Variants in COL25A1 observed in about 807,000 individuals in gnomAD.
COL25A1 encodes collagen alpha-1(XXV) chain.
A neutral mutation model predicts 128.4 loss-of-function variants in COL25A1; 103 were observed. The ratio of observed to expected loss-of-function variants is 0.80; its 90% CI spans 0.68 to 0.94. The LOEUF is 0.94. COL25A1 is among the 40% of genes least tolerant of loss of function. The pLI, the probability that COL25A1 is intolerant of heterozygous loss-of-function variation, is 0.00. For missense variants in COL25A1, 745 were observed against 840.0 expected, an observed-to-expected ratio of 0.89 and a Z score of 1.40; for synonymous variants, 279 against 277.2, an observed-to-expected ratio of 1.01 and a Z score of -0.06.
At chr4:109,281,840 A>G (rs1723412484) in intron 3 of COL25A1, among the ~76,000 whole-genome samples, 1 of 152,212 alleles carries the variant, frequency 6.6e-6, no homozygotes, top group Non-Finnish European at 1.5e-5. Context: ...AAAGATAACT[A>G]TAAGAGGGTG....
chr4:108,888,274 A>G (rs1741059302), intron 18 of COL25A1, among the ~76,000 whole-genome samples: 1 of 152,168 alleles, frequency 6.6e-6, no homozygotes, highest in South Asian at 2.1e-4. Flanking sequence ...TTATTTTACT[A>G]CATCTTCAGG....
At chr4:109,296,295 CTT>C (rs955216932) in intron 3 of COL25A1, among the ~76,000 whole-genome samples, 1 of 151,958 alleles carries the variant, frequency 6.6e-6, no homozygotes, top group African/African-American at 2.4e-5. Context: ...AAGAATTATA[CTT>C]TTTTCTTTAT....
rs117714046 is a variant in COL25A1, at chr4:109,278,934, G to A, written c.367+21649C>T. On this transcript the variant is annotated intron_variant, in intron 3 of 37. Transcript: ENST00000399132. ...GTGAGGGCCTGCTTCCTCTTGAATG[G>A]CACCTTGTAGCTGTGTTCACACATG... 8.3e-3 allele frequency among the ~76,000 whole-genome samples: 1,260 copies of A among 152,240 alleles called. 65 individuals are homozygous for A. The South Asian group carries it at 0.14, about 17-fold the overall frequency.
intron 6 of COL25A1, among the ~76,000 whole-genome samples, chr4:109,007,141 AC>A (rs1756097267): frequency 1.3e-5 from 2 of 152,222 alleles, no homozygotes; most frequent in African/African-American, 4.8e-5. Flanking sequence ...TTTAAGGTCC[AC>A]TTTTTTTGTA....
chr4:109,079,917 T>C (rs1763697063), intron 3 of COL25A1, among the ~76,000 whole-genome samples: 1 of 152,028 alleles, frequency 6.6e-6, no homozygotes. Flanking sequence ...AAACTCAGAT[T>C]ACAAAAGTAA....
chr4:108,839,716 T>C (rs999339304), intron 31 of COL25A1, among the ~76,000 whole-genome samples: 2 of 152,114 alleles, frequency 1.3e-5, no homozygotes, highest in African/African-American at 4.8e-5. Flanking sequence ...TCAGGGAACT[T>C]GCATAGATAT....
Position 108,809,298 on chromosome 4 carries a change from A to C in COL25A1, c.*4629T>G, listed in dbSNP as rs1221198750. On this transcript the variant is annotated 3_prime_UTR_variant, in exon 38 of 38. Transcript: ENST00000399132. ...TGTAAAAAATACAAATAAAAATATA[A>C]TATTTTCTAAAGAAAAATCAGATAC... 6.6e-6 allele frequency: 1 copy of C among 152,176 alleles called. No homozygotes were observed. The highest frequency in any genetic ancestry group is 1.5e-5 in the Non-Finnish European group (1 of 67,992). 9.4% of individuals were successfully genotyped at this position (152,176 alleles called of 1,614,324 possible). A position where few individuals can be genotyped will look rare whatever the true frequency, so the allele number is the denominator to read the frequency against.
Position 109,152,243 on chromosome 4 carries a change from T to A in COL25A1, c.368-102064A>T, listed in dbSNP as rs116374553. On this transcript the variant is annotated intron_variant, in intron 3 of 37. Coordinates refer to ENST00000399132, the MANE Select transcript of COL25A1 (RefSeq NM_198721.4). The stretch of plus-strand genomic sequence containing the variant: ...AATATTTATTGTGATAAAATATCAA[T>A]GGGACAAAATTTAACTTAGCAGAAT... Among the ~76,000 whole-genome samples, 1,109 of 152,266 alleles carry A rather than the reference T, an allele frequency of 7.3e-3. 6 individuals are homozygous for A. Among genetic ancestry groups the A allele is most frequent in the African/African-American group, 0.026 (1,063 of 41,572 alleles).
intron 3 of COL25A1, among the ~76,000 whole-genome samples, chr4:109,256,187 C>A (rs767442788): frequency 6.6e-6 from 1 of 151,636 alleles, no homozygotes; most frequent in African/African-American, 2.4e-5. Context: ...AAGTAGACTT[C>A]TGGTGCTGTG....
intron 3 of COL25A1, among the ~76,000 whole-genome samples, chr4:109,179,468 T>C (rs1774423268): frequency 6.6e-6 from 1 of 152,254 alleles, no homozygotes; most frequent in Admixed American, 6.5e-5. Context: ...TTCAATTTTT[T>C]TGGATTTCAG....
chr4:109,105,839 T>A (rs1766377568), intron 3 of COL25A1, among the ~76,000 whole-genome samples: 1 of 152,246 alleles, frequency 6.6e-6, no homozygotes, highest in Non-Finnish European at 1.5e-5. Flanking sequence ...CAGCAGCTTT[T>A]CCTTTTAAAT....
intron 12 of COL25A1, 30 bp downstream of exon 12, chr4:108,920,548 A>T: frequency 6.4e-7 from 1 of 1,573,534 alleles, no homozygotes. Context: ...GAGCATAATT[A>T]CTTTCACAAT....
At chr4:109,238,386 A>G (rs1779610491) in intron 3 of COL25A1, among the ~76,000 whole-genome samples, 1 of 152,038 alleles carries the variant, frequency 6.6e-6, no homozygotes, top group Non-Finnish European at 1.5e-5. Context: ...CATGTACTGA[A>G]TAAGTGAATT....
At chr4:108,905,413 A>G (rs1449556760) in intron 13 of COL25A1, among the ~76,000 whole-genome samples, 2 of 152,064 alleles carry the variant, frequency 1.3e-5, no homozygotes, top group Admixed American at 6.5e-5. Flanking sequence ...TTTAAAAACT[A>G]TATTATTAAA....
chr4:108,960,796 T>A (rs929063380), intron 8 of COL25A1, among the ~76,000 whole-genome samples: 2 of 152,126 alleles, frequency 1.3e-5, no homozygotes, highest in African/African-American at 4.8e-5. Flanking sequence ...TTTTCAAGAT[T>A]ATCTTGAAAA....
intron 14 of COL25A1, among the ~76,000 whole-genome samples, chr4:108,900,665 C>T (rs556623682): frequency 1.9e-3 from 292 of 152,198 alleles, no homozygotes; most frequent in African/African-American, 6.8e-3. Context: ...CATCTTTATT[C>T]TGCCTTCATC....
intron 13 of COL25A1, among the ~76,000 whole-genome samples, chr4:108,917,342 T>C (rs1360875595): frequency 1.3e-5 from 2 of 152,196 alleles, no homozygotes; most frequent in Non-Finnish European, 2.9e-5. Context: ...GGATTTAAAA[T>C]ACTCTGGGAA....
intron 3 of COL25A1, among the ~76,000 whole-genome samples, chr4:109,235,950 T>G (rs773189491): frequency 7.2e-5 from 11 of 152,144 alleles, no homozygotes; most frequent in Non-Finnish European, 1.3e-4. Context: ...ACACAGATTC[T>G]TCTATACTTC....
intron 3 of COL25A1, among the ~76,000 whole-genome samples, chr4:109,157,735 C>G (rs560426750): frequency 6.6e-6 from 1 of 152,280 alleles, no homozygotes; most frequent in Non-Finnish European, 1.5e-5. Flanking sequence ...TTATTGGTAA[C>G]AAGACCACCA....
Sources: allele counts gnomAD v4.1 joint callset (sites outside exome capture counted in the v4.1 genomes callset), GRCh38; gene constraint gnomAD v4.1.1; transcripts MANE v1.5; gene names NCBI Gene and HGNC (gene_info 2026-07-23, HGNC 2026-07-21).